The following MAN2A1 variants were observed in gnomAD, a reference collection of about 807,000 sequenced individuals.
MAN2A1 encodes the protein mannosidase alpha class 2A member 1, also known as alpha-mannosidase 2.
A neutral mutation model predicts 142.6 loss-of-function variants in MAN2A1; 76 were observed. The observed-to-expected ratio is 0.53, with a 90% CI of 0.44 to 0.65. The LOEUF (loss-of-function observed/expected upper bound fraction) is 0.65. MAN2A1 is among the 30% of genes least tolerant of loss of function. The probability of loss-of-function intolerance (pLI) is 0.00; values close to 1 mark genes in which losing one functional copy is unlikely to be tolerated. For synonymous variants in MAN2A1, 559 were observed against 473.2 expected, an observed-to-expected ratio of 1.18 and a Z score of -2.35; for missense variants, 1,311 against 1,365.1, an observed-to-expected ratio of 0.96 and a Z score of 0.62.
chr5:109,809,388 ATAT>A (rs1250166755), intron 12 of MAN2A1, among the ~76,000 whole-genome samples: 3 of 151,230 alleles, frequency 2.0e-5, no homozygotes, highest in Non-Finnish European at 4.4e-5. Flanking sequence ...TTTCCCTCTG[ATAT>A]TATTTTCTTT....
intron 16 of MAN2A1, among the ~76,000 whole-genome samples, chr5:109,825,737 C>G (rs1006200364): frequency 2.0e-5 from 3 of 152,064 alleles, no homozygotes; most frequent in African/African-American, 7.2e-5. Flanking sequence ...GGGCAGTGAA[C>G]TGTCCAGTGG....
intron 16 of MAN2A1, among the ~76,000 whole-genome samples, chr5:109,834,018 ATTTT>A (rs1418319137): frequency 1.3e-5 from 2 of 152,000 alleles, no homozygotes; most frequent in East Asian, 3.9e-4. Flanking sequence ...TGCTTGTTTT[ATTTT>A]TTTTATAAGT....
intron 5 of MAN2A1, among the ~76,000 whole-genome samples, chr5:109,755,770 T>A (rs941259136): frequency 2.0e-5 from 3 of 152,236 alleles, no homozygotes; most frequent in African/African-American, 7.2e-5. Context: ...AGCTTAAGTT[T>A]TTTTTTTCAG....
chr5:109,766,801 A>G (rs1305972103), intron 5 of MAN2A1, among the ~76,000 whole-genome samples: 2 of 152,196 alleles, frequency 1.3e-5, no homozygotes, highest in African/African-American at 4.8e-5. Context: ...ATAATGCTAG[A>G]TGAACAATCT....
chr5:109,794,176 T>TTGG (rs1459163899), intron 12 of MAN2A1: 1 of 152,150 alleles, frequency 6.6e-6, no homozygotes, highest in Non-Finnish European at 1.5e-5. Flanking sequence ...ATAGAGGCAT[T>TTGG]TGGAGCTTAA....
chr5:109,823,629 T>TA, intron 15 of MAN2A1, 94 bp from the exon 16 acceptor site: 1 of 673,810 alleles, frequency 1.5e-6, no homozygotes, highest in South Asian at 1.8e-5. Flanking sequence ...TATCAGGTGA[T>TA]ACGTATTTTC....
rs1252044105 is a variant in MAN2A1 at position 109,716,041 on chromosome 5, T to C, written c.391-79T>C. 3.2e-6 allele frequency: 3 copies of C among 942,334 alleles called. No homozygotes were observed. The African/African-American group carries it at 5.0e-5, about 16-fold the overall frequency. 58.4% of individuals were successfully genotyped at this position (942,334 alleles called of 1,614,324 possible). On this transcript the variant is annotated intron_variant, in intron 2 of 21. Transcript: ENST00000261483. Reference sequence around the variant, plus strand: ...AAAATACATATGCAGAGTATAGCAGTGAATAATTTTGAGCAAATATTTACC... The same window carrying C: ...AAAATACATATGCAGAGTATAGCAGCGAATAATTTTGAGCAAATATTTACC...
intron 1 of MAN2A1, among the ~76,000 whole-genome samples, chr5:109,696,836 G>T (rs999329866): frequency 6.6e-6 from 1 of 152,212 alleles, no homozygotes; most frequent in African/African-American, 2.4e-5. Flanking sequence ...AAGCCAATTA[G>T]CATTTTTTGA....
At chr5:109,833,640 G>A (rs1313801880) in intron 16 of MAN2A1, among the ~76,000 whole-genome samples, 2 of 150,434 alleles carry the variant, frequency 1.3e-5, no homozygotes, top group Non-Finnish European at 3.0e-5. Context: ...GCCTCTGCTC[G>A]GCATCAGAGG....
chr5:109,812,817 G>A (rs1194887540), intron 12 of MAN2A1, among the ~76,000 whole-genome samples: 1 of 152,010 alleles, frequency 6.6e-6, no homozygotes, highest in African/African-American at 2.4e-5. Context: ...CCCCACATCA[G>A]TAGATACTAT....
chr5:109,722,448 T>C (rs1053698046), intron 3 of MAN2A1, among the ~76,000 whole-genome samples: 2 of 152,214 alleles, frequency 1.3e-5, no homozygotes, highest in African/African-American at 4.8e-5. Context: ...GGAGTCTTGC[T>C]CTGTTGCCCA....
chr5:109,704,968 C>G (rs1313987260), intron 1 of MAN2A1, among the ~76,000 whole-genome samples: 1 of 152,142 alleles, frequency 6.6e-6, no homozygotes, highest in Non-Finnish European at 1.5e-5. Flanking sequence ...CTCTTGAGTT[C>G]CAGACTTGCA....
intron 8 of MAN2A1, 95 bp downstream of exon 8, chr5:109,775,060 T>C: frequency 6.6e-6 from 5 of 760,596 alleles, no homozygotes; most frequent in Non-Finnish European, 1.0e-5. Context: ...TTGTCCTACA[T>C]CACAGTGCTT....
intron 4 of MAN2A1, among the ~76,000 whole-genome samples, chr5:109,735,004 C>T (rs573570098): frequency 6.6e-6 from 1 of 151,930 alleles, no homozygotes; most frequent in East Asian, 1.9e-4. Context: ...GTGTGGGAGT[C>T]TTAAGTCTCT....
chr5:109,838,165 A>G (rs1230128200), intron 16 of MAN2A1, among the ~76,000 whole-genome samples: 29 of 151,872 alleles, frequency 1.9e-4, no homozygotes, highest in Admixed American at 1.9e-3. Flanking sequence ...TGGCCTTTTT[A>G]TTACCACTTT....
rs575169267 is a variant in MAN2A1 at position 109,789,462 on chromosome 5, T to G, written c.1878T>G (p.Asp626Glu). ...AAAATTACTGTTCATTTTTATAGGA[T>G]TTGAAACAAAAATCACAAGATTCTC... ...SYSPDTFLEM[D>E]LKQKSQDSLP... The change falls in exon 12 of 22, where the codon GAT (aspartate) becomes GAG (glutamate). Residue 626 changes from aspartate (D) to glutamate (E), a missense_variant and splice_region_variant. Physicochemically the swap from Asp to Glu is conservative, Grantham distance 45. Coordinates refer to ENST00000261483, the MANE Select transcript of MAN2A1 (RefSeq NM_002372.4). 5 of 1,571,940 alleles carry G rather than the reference T, an allele frequency of 3.2e-6. No homozygotes were observed. The South Asian group carries it at 5.8e-5, about 18-fold the overall frequency.
intron 16 of MAN2A1, 51 bp from the exon 17 acceptor site, chr5:109,842,277 T>A: frequency 1.6e-6 from 2 of 1,248,306 alleles, no homozygotes; most frequent in East Asian, 5.2e-5. Context: ...TTCAAAAAGG[T>A]GAGGCAAGTA....
At chr5:109,770,209 G>T in intron 6 of MAN2A1, 146 bp from the exon 7 acceptor site, 1 of 647,434 alleles carries the variant, frequency 1.5e-6, no homozygotes, top group Middle Eastern at 4.1e-4. Flanking sequence ...AATACCGCTG[G>T]GGTATATGTA....
intron 5 of MAN2A1, among the ~76,000 whole-genome samples, chr5:109,762,716 G>C (rs1412086815): frequency 6.6e-6 from 1 of 152,136 alleles, no homozygotes. Flanking sequence ...CTTAGCATGT[G>C]ATATGAGGTA....
Sources: allele counts gnomAD v4.1 joint callset (sites outside exome capture counted in the v4.1 genomes callset), GRCh38; gene constraint gnomAD v4.1.1; transcripts MANE v1.5; gene names NCBI Gene and HGNC (gene_info 2026-07-23, HGNC 2026-07-21).